REEP4: variants seen among roughly 807,000 people sequenced by gnomAD.
REEP4 encodes the protein receptor expression-enhancing protein 4.
In REEP4, 17 loss-of-function variants were observed where a neutral mutation model predicts 33.5. The observed-to-expected ratio is 0.51, with a 90% CI of 0.35 to 0.76. REEP4 has a LOEUF of 0.76. Ranked by LOEUF, REEP4 falls within the 30% of genes least tolerant of loss-of-function variation. The pLI, the probability that REEP4 is intolerant of heterozygous loss-of-function variation, is 0.01. For synonymous variants in REEP4, 157 were observed against 142.9 expected (o/e 1.10, Z -0.70); for missense variants, 340 against 357.9 (o/e 0.95, Z 0.40).
rs1273423429 is a variant in REEP4 at position 22,138,570 on chromosome 8, A to T, written c.709-18T>A. ...GAGGTGCCCTGGGGAAAGGGGAGGC[A>T]CAGCATGAGGGTGTGGGGAGCACCA... On this transcript the variant is annotated intron_variant, in intron 7 of 7. Transcript: ENST00000306306. 6.2e-7 allele frequency: 1 copy of T among 1,613,818 alleles called. No individual in the cohort carries two copies. The highest frequency in any genetic ancestry group is 8.5e-7 in the Non-Finnish European group (1 of 1,180,030).
At chr8:22,139,871 C>T in intron 4 of REEP4, 92 bp downstream of exon 4, 1 of 1,475,530 alleles carries the variant, frequency 6.8e-7, no homozygotes, top group East Asian at 2.5e-5. Flanking sequence ...TGGGATAGAA[C>T]CCCGGTGTCC....
In REEP4 at chr8:22,138,976, T is replaced by C. The variant is rs1827177549; in HGVS notation, c.503A>G (p.His168Arg). The C allele has an allele frequency of 6.2e-7, 1 of 1,609,192 alleles. No individual in the cohort carries two copies. Among genetic ancestry groups the C allele is most frequent in the Non-Finnish European group, 8.5e-7 (1 of 1,178,080 alleles). ...CTGGTCCTCCAGGTAGAGGGGGTCA[T>C]GGTAGGCAGGGGCAGGTGCGTCAGA... ...SISDAPAPAY[H>R]DPLYLEDQVS... The change falls in exon 6 of 8, where the codon CAT (histidine) becomes CGT (arginine). Residue 168 changes from histidine to arginine, a missense_variant. Transcript: ENST00000306306.
Position 22,140,738 on chromosome 8 carries a change from C to T in REEP4, c.33-41G>A, listed in dbSNP as rs749734614. ...TGGGGAGTGTGAGGGGCACCATGCCCCACTCCCACCTTGCCAAGTGGCCAT... is the reference window on the plus strand; with the variant it reads ...TGGGGAGTGTGAGGGGCACCATGCCTCACTCCCACCTTGCCAAGTGGCCAT... On this transcript the variant is annotated intron_variant, in intron 1 of 7. Coordinates refer to ENST00000306306, the MANE Select transcript of REEP4 (RefSeq NM_025232.4). 13 of 1,545,758 alleles carry T rather than the reference C, an allele frequency of 8.4e-6. No individual in the cohort carries two copies. The African/African-American group carries it at 1.6e-4, about 20-fold the overall frequency.
At chr8:22,139,302 C>G in intron 5 of REEP4, 114 bp downstream of exon 5, 1 of 980,608 alleles carries the variant, frequency 1.0e-6, no homozygotes, top group Non-Finnish European at 1.6e-6. Context: ...CCGTCACCTT[C>G]TCACCCCTGC....
intron 2 of REEP4, 37 bp downstream of exon 2, chr8:22,140,588 C>G: frequency 6.3e-7 from 1 of 1,586,222 alleles, no homozygotes; most frequent in South Asian, 1.1e-5. Context: ...CCCACCTCAC[C>G]AAGTCCTATT....
chr8:22,139,123 C>A, intron 5 of REEP4, 62 bp from the exon 6 acceptor site: 1 of 1,546,910 alleles, frequency 6.5e-7, no homozygotes, highest in Non-Finnish European at 8.7e-7. Flanking sequence ...ACCAGCTAAT[C>A]ACCGGAGCTG....
Position 22,139,545 on chromosome 8 carries a change from G to C in REEP4, c.304-16C>G, listed in dbSNP as rs748520882. On this transcript the variant is annotated splice_polypyrimidine_tract_variant and intron_variant, in intron 4 of 7. Transcript: ENST00000306306. ...CGTCGATCTCCTGTGGACCCAATGG[G>C]GAGGAGAGCTCAGGTGGACAGCCAG... The C allele has an allele frequency of 2.0e-5, 31 of 1,581,324 alleles. No individual in the cohort carries two copies. The highest frequency in any genetic ancestry group is 2.6e-5 in the Non-Finnish European group (30 of 1,160,090).
At position 22,141,554 on chromosome 8, in the gene REEP4, C is replaced by CG. The variant is rs1827232130; in HGVS notation, c.-73dup. ...AAGGACGTTCACTCAAGGGCTGGGA[C>CG]GGGGGGTGATCAGGGCAGTTGCGGG... On this transcript the variant is annotated 5_prime_UTR_variant, in exon 1 of 8. Coordinates refer to ENST00000306306, the MANE Select transcript of REEP4 (RefSeq NM_025232.4). 10 of 1,518,674 alleles carry CG rather than the reference C, an allele frequency of 6.6e-6. No individual in the cohort carries two copies. Among genetic ancestry groups the CG allele is most frequent in the African/African-American group, 5.6e-5 (4 of 71,400 alleles). 94.1% of individuals were successfully genotyped at this position (1,518,674 alleles called of 1,614,324 possible).
In REEP4 at chr8:22,138,280, G is replaced by A. The variant is rs1827160418; in HGVS notation, c.*207C>T. 1 of 710,760 alleles carries A rather than the reference G, an allele frequency of 1.4e-6. No individual in the cohort carries two copies. Among genetic ancestry groups the A allele is most frequent in the Admixed American group, 2.0e-5 (1 of 49,626 alleles). 44.0% of individuals were successfully genotyped at this position (710,760 alleles called of 1,614,324 possible). ...GAGCAAGGCAATAAATAGAACCCTGGGCCCAGCCTGCTTTGGTACATTGTG... is the reference window on the plus strand; with the variant it reads ...GAGCAAGGCAATAAATAGAACCCTGAGCCCAGCCTGCTTTGGTACATTGTG... On this transcript the variant is annotated 3_prime_UTR_variant, in exon 8 of 8. Coordinates refer to ENST00000306306, the MANE Select transcript of REEP4 (RefSeq NM_025232.4).
At chr8:22,138,584 T>C (rs773944229) in intron 7 of REEP4, 32 bp from the exon 8 acceptor site, 3 of 1,613,702 alleles carry the variant, frequency 1.9e-6, no homozygotes, top group African/African-American at 2.7e-5. Flanking sequence ...CATGAGGGTG[T>C]GGGGAGCACC....
intron 1 of REEP4, 140 bp downstream of exon 1, chr8:22,141,311 C>T (rs1480096982): frequency 3.8e-6 from 4 of 1,044,452 alleles, no homozygotes; most frequent in Non-Finnish European, 5.6e-6. Flanking sequence ...CGTGCAAGCC[C>T]ACAGGTCCGT....
Position 22,141,904 on chromosome 8 carries a change from G to A in REEP4, c.-422C>T, listed in dbSNP as rs1404450851. The A allele has an allele frequency of 1.7e-5, 3 of 179,980 alleles. No homozygotes were observed. Among genetic ancestry groups the A allele is most frequent in the Non-Finnish European group, 3.5e-5 (3 of 86,320 alleles). The allele number at this position is 179,980 out of a possible 1,614,324, so 11.1% of individuals were successfully genotyped here. ...ACTCACTTGAAAGTTGCACGGAACCGAGTGCTGCCCAACCCCAGGGCTCCG... is the reference window on the plus strand; with the variant it reads ...ACTCACTTGAAAGTTGCACGGAACCAAGTGCTGCCCAACCCCAGGGCTCCG... On this transcript the variant is annotated 5_prime_UTR_variant, in exon 1 of 8. Coordinates refer to ENST00000306306, the MANE Select transcript of REEP4 (RefSeq NM_025232.4).
intron 5 of REEP4, 164 bp downstream of exon 5, chr8:22,139,252 G>A (rs1328028715): frequency 2.1e-6 from 2 of 962,640 alleles, no homozygotes; most frequent in Non-Finnish European, 3.2e-6. Context: ...AGCCAGGAAG[G>A]AAGGTCTGAC....
At chr8:22,138,833 G>A in intron 6 of REEP4, 40 bp from the exon 7 acceptor site, 1 of 1,569,630 alleles carries the variant, frequency 6.4e-7, no homozygotes. Context: ...CCTGCGACCA[G>A]GCCAGCCCTT....
chr8:22,140,342 G>C lies in REEP4; in HGVS notation c.106-94C>G, dbSNP rs544627650. On this transcript the variant is annotated intron_variant, in intron 2 of 7. Transcript: ENST00000306306. The stretch of plus-strand genomic sequence containing the variant: ...CCCAGAGATTCCAGGGAGCCTGTCC[G>C]GCTGCATAGCTGCTTTCCCCCACAC... The C allele has an allele frequency of 3.4e-4, 435 of 1,278,384 alleles. 4 individuals carry two copies. The East Asian group carries it at 0.01, about 30-fold the overall frequency. 79.2% of individuals were successfully genotyped at this position (1,278,384 alleles called of 1,614,324 possible).
intron 1 of REEP4, 34 bp downstream of exon 1, chr8:22,141,417 G>A (rs904662402): frequency 6.3e-7 from 1 of 1,594,930 alleles, no homozygotes; most frequent in Non-Finnish European, 8.5e-7. Context: ...ACGGCACCCC[G>A]GGGTAGAGGA....
chr8:22,138,824 C>G (rs1191377854), intron 6 of REEP4, 31 bp from the exon 7 acceptor site: 1 of 1,575,648 alleles, frequency 6.3e-7, no homozygotes, highest in African/African-American at 1.4e-5. Context: ...AGCTGAAAGC[C>G]TGCGACCAGG....
At position 22,138,923 on chromosome 8, in the gene REEP4, C is replaced by T. The variant is rs1363701691; in HGVS notation, c.553+3G>A. On this transcript the variant is annotated splice_donor_region_variant and intron_variant, in intron 6 of 7. Transcript: ENST00000306306. ...ATGGCTCTGGGCCCCTCTGCCCGCT[C>T]ACCAATGGGTGGCCTCCGGTGGGAC... is the stretch of plus-strand genomic sequence containing the variant. 6.3e-7 allele frequency: 1 copy of T among 1,575,984 alleles called. No individual in the cohort carries two copies.
At chr8:22,139,084 G>T in intron 5 of REEP4, 23 bp from the exon 6 acceptor site, 2 of 1,562,600 alleles carry the variant, frequency 1.3e-6, no homozygotes, top group Non-Finnish European at 1.7e-6. Context: ...AGAGGCTTCA[G>T]CGGGGAGGCT....
Sources: allele counts gnomAD v4.1 joint callset, GRCh38; gene constraint gnomAD v4.1.1; transcripts MANE v1.5; gene names NCBI Gene and HGNC (gene_info 2026-07-23, HGNC 2026-07-21).